Variants in DEPDC5 observed in about 807,000 individuals in gnomAD.
The protein encoded by DEPDC5 is DEP domain containing 5, GATOR1 subcomplex subunit, also known as GATOR1 complex protein DEPDC5.
Under a neutral mutation model 217.3 loss-of-function variants are expected in DEPDC5, and 73 were observed. The ratio of observed to expected loss-of-function variants is 0.34; its 90% CI spans 0.28 to 0.41. The LOEUF is 0.41. Ranked by LOEUF, DEPDC5 falls within the 10% of genes least tolerant of loss-of-function variation. The pLI, the probability that DEPDC5 is intolerant of heterozygous loss-of-function variation, is 1.00. For synonymous variants in DEPDC5, 733 were observed against 756.7 expected (o/e 0.97, Z 0.51); for missense variants, 1,675 against 2,070.1 (o/e 0.81, Z 3.70).
At chr22:31,876,744 G>T (rs73884225) in intron 37 of DEPDC5, among the ~76,000 whole-genome samples, 15,756 of 151,846 alleles carry the variant, frequency 0.1, 1,109 homozygotes, top group African/African-American at 0.19. Flanking sequence ...TATCTGTGGG[G>T]TTTTTTTTCT....
At position 31,906,957 on chromosome 22, in the gene DEPDC5, C is replaced by G. The variant is rs2093768307; in HGVS notation, c.*460C>G. On this transcript the variant is annotated 3_prime_UTR_variant, in exon 43 of 43. Transcript: ENST00000651528. This position sits in a 1 kb window ranked among gnomAD's most constrained non-coding sequence, Gnocchi z 5.1. ...TTTGTGAAATAATGTACCATAGACT[C>G]TCACCAACTGTATATACCTGTACAT... is the stretch of plus-strand genomic sequence containing the variant. The G allele has an allele frequency of 4.3e-6, 1 of 231,800 alleles. No individual in the cohort carries two copies. The highest frequency in any genetic ancestry group is 5.1e-5 in the Admixed American group (1 of 19,450). The allele number at this position is 231,800 out of a possible 1,614,324, so 14.4% of individuals were successfully genotyped here.
Position 31,857,435 on chromosome 22 carries a change from C to T in DEPDC5, c.3156-10C>T, listed in dbSNP as rs1368993929. Reference sequence around the variant, plus strand: ...AGCAAGCTGCTGTCATGTGCTTTTCCTCCTTTCAGGTGCCTGGGAGAACAG... The same window carrying T: ...AGCAAGCTGCTGTCATGTGCTTTTCTTCCTTTCAGGTGCCTGGGAGAACAG... On this transcript the variant is annotated splice_polypyrimidine_tract_variant and intron_variant, in intron 31 of 42. Transcript: ENST00000651528. 1 of 1,591,906 alleles carries T rather than the reference C, an allele frequency of 6.3e-7. No homozygotes were observed. The highest frequency in any genetic ancestry group is 8.6e-7 in the Non-Finnish European group (1 of 1,168,898).
At chr22:31,792,609 A>T in intron 11 of DEPDC5, 136 bp from the exon 12 acceptor site, 1 of 308,308 alleles carries the variant, frequency 3.2e-6, no homozygotes, top group Non-Finnish European at 5.4e-6. Flanking sequence ...TTGTCTCAAA[A>T]AAAAAAAAAA....
At chr22:31,812,021 C>G (rs1315938755) in intron 20 of DEPDC5, among the ~76,000 whole-genome samples, 2 of 151,026 alleles carry the variant, frequency 1.3e-5, no homozygotes, top group East Asian at 3.9e-4. Context: ...TGGCGTCTTG[C>G]CCTGTCTCCT....
intron 26 of DEPDC5, 44 bp from the exon 27 acceptor site, chr22:31,838,641 T>C: frequency 1.2e-6 from 2 of 1,604,482 alleles, no homozygotes. Context: ...AGTGTCACTG[T>C]CTCGGGCCAA....
Position 31,879,768 on chromosome 22 carries a change from A to G in DEPDC5, c.4033+16A>G. 4 of 1,607,902 alleles carry G rather than the reference A, an allele frequency of 2.5e-6. No homozygotes were observed. Among genetic ancestry groups the G allele is most frequent in the Non-Finnish European group, 3.4e-6 (4 of 1,177,022 alleles). Reference sequence around the variant, plus strand: ...GCACTTTTAGGTACATGCTCAACCCAGACAAGGTCTGAGGGTGTGCCAGTG... The same window carrying G: ...GCACTTTTAGGTACATGCTCAACCCGGACAAGGTCTGAGGGTGTGCCAGTG... On this transcript the variant is annotated intron_variant, in intron 38 of 42. Coordinates refer to ENST00000651528, the MANE Select transcript of DEPDC5 (RefSeq NM_001242896.3).
chr22:31,775,982 A>G (rs541111970), intron 7 of DEPDC5, among the ~76,000 whole-genome samples: 300 of 146,386 alleles, frequency 2.0e-3, no homozygotes, highest in African/African-American at 7.2e-3. Context: ...CAGAGGTTGC[A>G]GTGAGCTGAG....
intron 24 of DEPDC5, among the ~76,000 whole-genome samples, chr22:31,826,788 A>T (rs1203565153): frequency 6.6e-6 from 1 of 152,226 alleles, no homozygotes; most frequent in African/African-American, 2.4e-5. Flanking sequence ...TAACACATTT[A>T]TGGACAAATG....
At chr22:31,873,371 AGAAGCCT>A in intron 35 of DEPDC5, 39 bp downstream of exon 35, 1 of 1,599,754 alleles carries the variant, frequency 6.3e-7, no homozygotes, top group Non-Finnish European at 8.6e-7. Context: ...GAAGGTTCCC[AGAAGCCT>A]GTGCCACAGC....
chr22:31,849,799 A>G (rs190917370), intron 31 of DEPDC5, among the ~76,000 whole-genome samples: 146 of 152,044 alleles, frequency 9.6e-4, no homozygotes, highest in Non-Finnish European at 1.4e-3. Context: ...AAATAAGTAA[A>G]TAAAATAAAA....
intron 40 of DEPDC5, 77 bp from the exon 41 acceptor site, chr22:31,901,665 G>C: frequency 7.8e-7 from 1 of 1,283,100 alleles, no homozygotes; most frequent in Non-Finnish European, 1.1e-6. Flanking sequence ...GAGTAGTAAA[G>C]GGTACAGAAG....
chr22:31,772,297 C>G (rs1380142233), intron 7 of DEPDC5, among the ~76,000 whole-genome samples: 1 of 152,074 alleles, frequency 6.6e-6, no homozygotes, highest in Admixed American at 6.6e-5. Flanking sequence ...AAGCACAACC[C>G]AAGAAGTGAC....
At chr22:31,860,065 T>A (rs1174592063) in intron 32 of DEPDC5, among the ~76,000 whole-genome samples, 9 of 152,136 alleles carry the variant, frequency 5.9e-5, no homozygotes, top group Non-Finnish European at 1.2e-4. Flanking sequence ...CGCAAATATA[T>A]TAGATTGCTG....
At chr22:31,825,471 A>C (rs1847748267) in intron 24 of DEPDC5, among the ~76,000 whole-genome samples, 1 of 152,122 alleles carries the variant, frequency 6.6e-6, no homozygotes, top group Non-Finnish European at 1.5e-5. Context: ...TCTGAGCTGT[A>C]GGTGTGTCCA....
chr22:31,785,451 G>A (rs1015730910), intron 10 of DEPDC5, among the ~76,000 whole-genome samples: 6 of 152,180 alleles, frequency 3.9e-5, no homozygotes, highest in Non-Finnish European at 5.9e-5. Context: ...AAAACACTGT[G>A]AAAGGAGTTA....
chr22:31,786,475 T>C (rs2085007700), intron 10 of DEPDC5, among the ~76,000 whole-genome samples: 1 of 151,380 alleles, frequency 6.6e-6, no homozygotes, highest in Non-Finnish European at 1.5e-5. Context: ...GTTTAAAAGT[T>C]TTATTTTTAT....
intron 12 of DEPDC5, among the ~76,000 whole-genome samples, chr22:31,794,688 C>T (rs1409902227): frequency 6.6e-6 from 1 of 152,064 alleles, no homozygotes; most frequent in Non-Finnish European, 1.5e-5. Context: ...AGTTTGAAAC[C>T]AGCCAGTGCA....
intron 16 of DEPDC5, 139 bp from the exon 17 acceptor site, chr22:31,804,703 T>C (rs1303857187): frequency 6.4e-6 from 5 of 776,390 alleles, no homozygotes; most frequent in Non-Finnish European, 1.0e-5. Context: ...GCCTCCCAAA[T>C]TGCTGGGATT....
chr22:31,876,148 C>T lies in DEPDC5; in HGVS notation c.3697-9C>T, dbSNP rs933216548. 1.9e-6 allele frequency: 3 copies of T among 1,613,162 alleles called. No homozygotes were observed. The African/African-American group carries it at 4.0e-5, about 22-fold the overall frequency. ...TGCAGGAATTTCAGAGTTTCAATGT[C>T]TCTCCTAGAAAATGCTGGAAGAGCA... On this transcript the variant is annotated splice_polypyrimidine_tract_variant and intron_variant, in intron 36 of 42. Coordinates refer to ENST00000651528, the MANE Select transcript of DEPDC5 (RefSeq NM_001242896.3).
Sources: gnomAD v4.1 joint callset for allele counts (sites outside exome capture counted in the v4.1 genomes callset) on GRCh38, gnomAD v4.1.1 for gene constraint, Gnocchi (gnomAD v3.1) non-coding constraint, MANE v1.5 for transcripts, NCBI Gene and HGNC (gene_info 2026-07-23, HGNC 2026-07-21) for gene names.